PPFIBP1: variants seen among roughly 807,000 people sequenced by gnomAD.
PPFIBP1 encodes liprin-beta-1.
Under a neutral mutation model 137.8 loss-of-function variants are expected in PPFIBP1, and 112 were observed. The observed-to-expected ratio is 0.81, with a 90% CI of 0.70 to 0.95. The LOEUF (loss-of-function observed/expected upper bound fraction) is 0.95, where lower values mean the gene tolerates loss of function less well. PPFIBP1 is among the 40% of genes least tolerant of loss of function. PPFIBP1 has a pLI of 0.00. For synonymous variants in PPFIBP1, 378 were observed against 417.3 expected (o/e 0.91, Z 1.15); for missense variants, 1,083 against 1,196.6 (o/e 0.91, Z 1.40).
chr12:27,655,662 C>A (rs2059152794), intron 8 of PPFIBP1, among the ~76,000 whole-genome samples: 1 of 152,158 alleles, frequency 6.6e-6, no homozygotes, highest in South Asian at 2.1e-4. Context: ...ACGGTGAGAA[C>A]AGGTTCACAC....
intron 2 of PPFIBP1, among the ~76,000 whole-genome samples, chr12:27,605,644 A>G (rs551406898): frequency 3.8e-4 from 58 of 152,306 alleles, no homozygotes; most frequent in African/African-American, 1.4e-3. Context: ...CTTATGACAC[A>G]TTTGATTTTG....
At chr12:27,577,792 G>A (rs1267657276) in intron 1 of PPFIBP1, among the ~76,000 whole-genome samples, 1 of 152,042 alleles carries the variant, frequency 6.6e-6, no homozygotes, top group Non-Finnish European at 1.5e-5. Context: ...CAAAACCGTG[G>A]TTCATTCATT....
intron 1 of PPFIBP1, among the ~76,000 whole-genome samples, chr12:27,562,992 GC>G (rs1229750658): frequency 1.3e-5 from 2 of 151,796 alleles, no homozygotes; most frequent in Non-Finnish European, 2.9e-5. Context: ...TCCCCACGCT[GC>G]CTGTCTTCTG....
Position 27,536,922 on chromosome 12 carries a change from A to G in PPFIBP1, c.-124+12557A>G, listed in dbSNP as rs972932214. On this transcript the variant is annotated intron_variant, in intron 1 of 29. Coordinates refer to ENST00000228425, the MANE Select transcript of PPFIBP1 (RefSeq NM_003622.4). ...AAGTTTCCCTTGGTCCTAACGTCTCAGCTTCATTATTAAAGTTTGCAATGT... is the reference window on the plus strand; with the variant it reads ...AAGTTTCCCTTGGTCCTAACGTCTCGGCTTCATTATTAAAGTTTGCAATGT... 9.9e-5 allele frequency among the ~76,000 whole-genome samples: 15 copies of G among 152,170 alleles called. 1 individual carries two copies. Among genetic ancestry groups the G allele is most frequent in the African/African-American group, 3.6e-4 (15 of 41,442 alleles).
intron 18 of PPFIBP1, 159 bp from the exon 19 acceptor site, chr12:27,676,905 T>C (rs1446371357): frequency 2.2e-6 from 2 of 892,198 alleles, no homozygotes; most frequent in African/African-American, 1.6e-5. Context: ...AACATTGACG[T>C]TGAGCCTGTG....
At chr12:27,645,222 T>C (rs1056204440) in intron 4 of PPFIBP1, among the ~76,000 whole-genome samples, 1 of 152,248 alleles carries the variant, frequency 6.6e-6, no homozygotes, top group African/African-American at 2.4e-5. Context: ...GGGATTACAT[T>C]ATCTTATGGT....
chr12:27,677,175 C>T, intron 19 of PPFIBP1, 79 bp downstream of exon 19: 2 of 1,526,386 alleles, frequency 1.3e-6, no homozygotes, highest in East Asian at 2.3e-5. Context: ...CATCTGTGAT[C>T]TCTAGAAAGC....
intron 2 of PPFIBP1, among the ~76,000 whole-genome samples, chr12:27,604,106 T>C (rs1412810308): frequency 2.6e-5 from 4 of 152,034 alleles, no homozygotes; most frequent in African/African-American, 9.7e-5. Flanking sequence ...GGGGTGGAAG[T>C]AAGAGGTGGA....
At chr12:27,687,843 G>A (rs2061292054) in intron 25 of PPFIBP1, among the ~76,000 whole-genome samples, 1 of 152,116 alleles carries the variant, frequency 6.6e-6, no homozygotes, top group South Asian at 2.1e-4. Flanking sequence ...AGCACTTTGG[G>A]AGGCCAAGGC....
chr12:27,568,394 T>C (rs76616548), intron 1 of PPFIBP1, among the ~76,000 whole-genome samples: 2,722 of 152,330 alleles, frequency 0.018, 95 homozygotes, highest in African/African-American at 0.062. Context: ...TTAAGTGATA[T>C]ATTAAGCTTA....
intron 2 of PPFIBP1, among the ~76,000 whole-genome samples, chr12:27,581,853 AT>A (rs375401961): frequency 8.0e-5 from 12 of 149,622 alleles, no homozygotes; most frequent in African/African-American, 2.5e-4. Flanking sequence ...TTTCTTTTCC[AT>A]TTTTTTTTCT....
intron 7 of PPFIBP1, among the ~76,000 whole-genome samples, chr12:27,651,273 CT>C (rs77860364): frequency 5.7e-3 from 804 of 140,878 alleles, no homozygotes; most frequent in Middle Eastern, 7.7e-3. Flanking sequence ...ATGTTTTAAT[CT>C]TTTTTTTTTT....
At chr12:27,687,556 G>A in intron 25 of PPFIBP1, 49 bp downstream of exon 25, 1 of 1,596,128 alleles carries the variant, frequency 6.3e-7, no homozygotes, top group Non-Finnish European at 8.5e-7. Context: ...CCAGGCATGG[G>A]ACTGTCCATG....
intron 2 of PPFIBP1, among the ~76,000 whole-genome samples, chr12:27,611,098 C>G (rs2138138941): frequency 1.3e-5 from 2 of 152,280 alleles, no homozygotes; most frequent in South Asian, 2.1e-4. Context: ...TGTTATGATA[C>G]TGGAATTGCC....
chr12:27,577,385 T>C (rs2136855523), intron 1 of PPFIBP1, among the ~76,000 whole-genome samples: 1 of 152,306 alleles, frequency 6.6e-6, no homozygotes, highest in Non-Finnish European at 1.5e-5. Flanking sequence ...TAATTTTGTC[T>C]AGAACTGGCC....
intron 5 of PPFIBP1, among the ~76,000 whole-genome samples, chr12:27,646,928 C>T (rs73084343): frequency 0.069 from 10,465 of 152,062 alleles, 817 homozygotes; most frequent in African/African-American, 0.19. Context: ...TATTGAGTTG[C>T]CCCCCCTGAC....
intron 12 of PPFIBP1, among the ~76,000 whole-genome samples, chr12:27,665,521 G>C (rs2059806442): frequency 6.6e-6 from 1 of 152,138 alleles, no homozygotes; most frequent in Non-Finnish European, 1.5e-5. Flanking sequence ...GGTGAGTTCA[G>C]AAAAACCCTG....
At chr12:27,664,593 A>C (rs2059745869) in intron 12 of PPFIBP1, 147 bp downstream of exon 12, 2 of 635,770 alleles carry the variant, frequency 3.1e-6, no homozygotes, top group South Asian at 3.7e-5. Flanking sequence ...AGGCAACTGT[A>C]CTCTGCCAGA....
At chr12:27,660,995 T>G (rs562236727) in intron 11 of PPFIBP1, 50 bp downstream of exon 11, 1 of 1,601,028 alleles carries the variant, frequency 6.2e-7, no homozygotes, top group African/African-American at 1.3e-5. Context: ...TAACACCATT[T>G]TGACCATTCC....
Sources: gnomAD v4.1 joint callset for allele counts (sites outside exome capture counted in the v4.1 genomes callset) on GRCh38, gnomAD v4.1.1 for gene constraint, MANE v1.5 for transcripts, NCBI Gene and HGNC (gene_info 2026-07-23, HGNC 2026-07-21) for gene names.